CXCL17: variants seen among roughly 807,000 people sequenced by gnomAD.
CXCL17 encodes the protein C-X-C motif chemokine 17.
In CXCL17, 9 loss-of-function variants were observed where a neutral mutation model predicts 15.5. That is an observed-to-expected ratio of 0.58 (90% CI 0.35 to 1.01). CXCL17 has a LOEUF of 1.01. CXCL17 is among the 50% of genes least tolerant of loss of function. The pLI is 0.02. For missense variants in CXCL17, 133 were observed against 138.2 expected, an observed-to-expected ratio of 0.96 and a Z score of 0.19; for synonymous variants, 52 against 52.3, an observed-to-expected ratio of 0.99 and a Z score of 0.02.
chr19:42,429,998 T>C (rs1231431981), intron 3 of CXCL17, among the ~76,000 whole-genome samples: 1 of 151,376 alleles, frequency 6.6e-6, no homozygotes, highest in Non-Finnish European at 1.5e-5. Context: ...CGAAATCCTA[T>C]CTCTACAAAA....
At chr19:42,429,473 C>A (rs2147688339) in intron 3 of CXCL17, among the ~76,000 whole-genome samples, 1 of 151,704 alleles carries the variant, frequency 6.6e-6, no homozygotes, top group South Asian at 2.1e-4. Flanking sequence ...GGATTACAGG[C>A]ACCCACCATC....
In CXCL17 at chr19:42,428,957, G is replaced by C. The variant is rs565001250; in HGVS notation, c.287C>G (p.Pro96Arg). The C allele has an allele frequency of 1.2e-6, 2 of 1,614,088 alleles. No individual in the cohort carries two copies. The highest frequency in any genetic ancestry group is 1.1e-5 in the South Asian group (1 of 91,084). The stretch of plus-strand genomic sequence containing the variant: ...CTGGCAGGCTCTGGAATGCTTGTTT[G>C]GCTTTCTGTGGTGCCTTTGGTGTCC... ...KTRHQRHHRKPNKHSRACQQF... is the reference protein window; with the variant it reads ...KTRHQRHHRKRNKHSRACQQF... Residue 96 changes from proline (P) to arginine (R), a missense_variant, in exon 4 of 4, where the codon CCA (proline) becomes CGA (arginine). Coordinates refer to ENST00000601181, the MANE Select transcript of CXCL17 (RefSeq NM_198477.3).
intron 1 of CXCL17, among the ~76,000 whole-genome samples, chr19:42,434,854 C>T (rs2040817547): frequency 6.6e-6 from 1 of 152,070 alleles, no homozygotes; most frequent in African/African-American, 2.4e-5. Flanking sequence ...TTTTCCGATT[C>T]TATCTTATCT....
At chr19:42,438,413 AC>A (rs1320784710) in intron 1 of CXCL17, among the ~76,000 whole-genome samples, 3 of 100,310 alleles carry the variant, frequency 3.0e-5, no homozygotes, top group African/African-American at 9.7e-5. Flanking sequence ...TATAAAATAC[AC>A]ACACACACAC....
At chr19:42,436,199 C>G (rs182950080) in intron 1 of CXCL17, among the ~76,000 whole-genome samples, 1 of 152,226 alleles carries the variant, frequency 6.6e-6, no homozygotes, top group African/African-American at 2.4e-5. Flanking sequence ...TGGAGAGGAC[C>G]CTTAGAGATC....
chr19:42,438,354 CAAAAAAAA>C (rs34157586), intron 1 of CXCL17, among the ~76,000 whole-genome samples: 4 of 17,464 alleles, frequency 2.3e-4, no homozygotes, highest in African/African-American at 8.3e-4. Flanking sequence ...GACTCTGTCT[CAAAAAAAA>C]AAAAAAAAAA....
intron 1 of CXCL17, among the ~76,000 whole-genome samples, chr19:42,436,809 C>T (rs2040838756): frequency 6.6e-6 from 1 of 152,042 alleles, no homozygotes; most frequent in South Asian, 2.1e-4. Context: ...TTTCTTTGTT[C>T]TTGTAACTGT....
chr19:42,428,291 C>T lies in CXCL17; in HGVS notation c.*593G>A, dbSNP rs550088752. On this transcript the variant is annotated 3_prime_UTR_variant, in exon 4 of 4. Coordinates refer to ENST00000601181, the MANE Select transcript of CXCL17 (RefSeq NM_198477.3). Reference sequence around the variant, plus strand: ...AACTGTGCCAAGTTTTTTTTTTAAACCTATATTATCTTTAATAAGACCGTG... The same window carrying T: ...AACTGTGCCAAGTTTTTTTTTTAAATCTATATTATCTTTAATAAGACCGTG... 1 of 151,526 alleles carries T rather than the reference C, an allele frequency of 6.6e-6. No homozygotes were observed. Among genetic ancestry groups the T allele is most frequent in the South Asian group, 2.1e-4 (1 of 4,792 alleles). The allele number at this position is 151,526 out of a possible 1,614,324, so 9.4% of individuals were successfully genotyped here. A position where few individuals can be genotyped will look rare whatever the true frequency, so the allele number is the denominator to read the frequency against.
At chr19:42,432,729 C>T (rs2040795698) in intron 3 of CXCL17, among the ~76,000 whole-genome samples, 1 of 152,190 alleles carries the variant, frequency 6.6e-6, no homozygotes, top group African/African-American at 2.4e-5. Flanking sequence ...CCATCTACCC[C>T]CACTTTGGTA....
At chr19:42,441,872 C>T (rs891854431) in intron 1 of CXCL17, among the ~76,000 whole-genome samples, 3 of 152,178 alleles carry the variant, frequency 2.0e-5, no homozygotes, top group African/African-American at 7.2e-5. Context: ...AAAATGTGAG[C>T]TGTTACAGCA....
At chr19:42,430,028 A>G (rs867877778) in intron 3 of CXCL17, among the ~76,000 whole-genome samples, 46 of 151,874 alleles carry the variant, frequency 3.0e-4, no homozygotes, top group African/African-American at 1.0e-3. Context: ...TTAGCCAGGC[A>G]TGGTGGCGTG....
intron 3 of CXCL17, among the ~76,000 whole-genome samples, chr19:42,432,001 G>C (rs2040786348): frequency 6.6e-6 from 1 of 152,108 alleles, no homozygotes; most frequent in South Asian, 2.1e-4. Context: ...CCTAAAGTAA[G>C]ATTACTAAAG....
chr19:42,431,073 C>T (rs990976473), intron 3 of CXCL17, among the ~76,000 whole-genome samples: 2 of 152,216 alleles, frequency 1.3e-5, no homozygotes, highest in South Asian at 2.1e-4. Context: ...CTCCTGACCT[C>T]AGGTGATCCC....
intron 1 of CXCL17, among the ~76,000 whole-genome samples, chr19:42,438,209 T>G (rs1479259595): frequency 6.7e-6 from 1 of 150,344 alleles, no homozygotes; most frequent in Non-Finnish European, 1.5e-5. Flanking sequence ...ATACAAAAAA[T>G]TAGCCAGGTG....
chr19:42,428,831 C>A lies in CXCL17; in HGVS notation c.*53G>T, dbSNP rs751749765. On this transcript the variant is annotated 3_prime_UTR_variant, in exon 4 of 4. Coordinates refer to ENST00000601181, the MANE Select transcript of CXCL17 (RefSeq NM_198477.3). ...AAGAAGAGTGTCTGGTAGGTGTGCT[C>A]ACTGTCTTCTTGGCTGAGAATGTTT... 5.7e-5 allele frequency: 76 copies of A among 1,343,390 alleles called. No homozygotes were observed. Among genetic ancestry groups the A allele is most frequent in the Non-Finnish European group, 6.6e-5 (62 of 933,432 alleles). The allele number at this position is 1,343,390 out of a possible 1,614,324, so 83.2% of individuals were successfully genotyped here.
chr19:42,439,511 A>C (rs1238857007), intron 1 of CXCL17, among the ~76,000 whole-genome samples: 2 of 152,180 alleles, frequency 1.3e-5, no homozygotes, highest in Non-Finnish European at 2.9e-5. Context: ...CATATTTCCA[A>C]AGTGTCTCTC....
At chr19:42,435,212 A>G (rs8102976) in intron 1 of CXCL17, among the ~76,000 whole-genome samples, 11,093 of 151,854 alleles carry the variant, frequency 0.073, 1,326 homozygotes, top group African/African-American at 0.25. Context: ...GACAATCAAG[A>G]ATGATGGTTT....
At chr19:42,431,242 C>G (rs1036742010) in intron 3 of CXCL17, among the ~76,000 whole-genome samples, 5 of 152,206 alleles carry the variant, frequency 3.3e-5, no homozygotes, top group Non-Finnish European at 7.4e-5. Context: ...AGTGGCTATT[C>G]AAGTATTTTT....
intron 3 of CXCL17, 54 bp downstream of exon 3, chr19:42,432,922 A>G (rs1355178976): frequency 5.3e-6 from 7 of 1,317,960 alleles, no homozygotes; most frequent in Admixed American, 1.7e-5. Context: ...CTTCTTCCCT[A>G]GTGATTTCAC....
Sources: gnomAD v4.1 joint callset for allele counts (sites outside exome capture counted in the v4.1 genomes callset) on GRCh38, gnomAD v4.1.1 for gene constraint, MANE v1.5 for transcripts, NCBI Gene and HGNC (gene_info 2026-07-23, HGNC 2026-07-21) for gene names.